The following SZRD1 variants were observed in gnomAD, a reference collection of about 807,000 sequenced individuals.
The protein encoded by SZRD1 is SUZ RNA-binding domain-containing.
In SZRD1, 7 loss-of-function variants were observed where a neutral mutation model predicts 17.6. That is an observed-to-expected ratio of 0.40 (90% CI 0.23 to 0.75). The LOEUF (loss-of-function observed/expected upper bound fraction) is 0.75, where lower values mean the gene tolerates loss of function less well. SZRD1 is among the 30% of genes least tolerant of loss of function. SZRD1 has a pLI of 0.38. For synonymous variants in SZRD1, 77 were observed against 77.9 expected (o/e 0.99, Z 0.06); for missense variants, 178 against 201.8 (o/e 0.88, Z 0.71).
chr1:16,382,185 G>C (rs184654748), intron 1 of SZRD1, among the ~76,000 whole-genome samples: 24 of 151,110 alleles, frequency 1.6e-4, no homozygotes, highest in African/African-American at 5.1e-4. Context: ...GCTAGCATGG[G>C]TGGGTTTTTT....
At chr1:16,384,819 G>T (rs2083161895) in intron 1 of SZRD1, among the ~76,000 whole-genome samples, 1 of 152,282 alleles carries the variant, frequency 6.6e-6, no homozygotes, top group East Asian at 1.9e-4. Context: ...GGAGAAATCT[G>T]TTGTGCTCTC....
At chr1:16,386,605 C>T (rs191195047) in intron 1 of SZRD1, among the ~76,000 whole-genome samples, 8 of 152,136 alleles carry the variant, frequency 5.3e-5, no homozygotes, top group African/African-American at 1.7e-4. Context: ...GAGGGAGATG[C>T]GATGCCCTCT....
chr1:16,388,591 A>G (rs2085166193), intron 1 of SZRD1, among the ~76,000 whole-genome samples: 1 of 152,096 alleles, frequency 6.6e-6, no homozygotes, highest in African/African-American at 2.4e-5. Context: ...AAAGCTGGCC[A>G]ACTTTATTAA....
rs910276294 is a variant in SZRD1, at chr1:16,397,408, A to G, written c.*2268A>G. The G allele has an allele frequency of 6.6e-6, 1 of 152,160 alleles. No homozygotes were observed. Among genetic ancestry groups the G allele is most frequent in the African/African-American group, 2.4e-5 (1 of 41,418 alleles). 9.4% of individuals were successfully genotyped at this position (152,160 alleles called of 1,614,324 possible). On this transcript the variant is annotated 3_prime_UTR_variant, in exon 4 of 4. Coordinates refer to ENST00000401088, the MANE Select transcript of SZRD1 (RefSeq NM_001114600.3). This position sits in a 1 kb window ranked among gnomAD's most constrained non-coding sequence, Gnocchi z 5.4. ...GGAGGGAGATGAGGAAACGGTTTGG[A>G]TTTTGTGTGTGGGAGGGTATTTTTT... is the stretch of plus-strand genomic sequence containing the variant.
At chr1:16,379,549 G>GT (rs1351037113) in intron 1 of SZRD1, among the ~76,000 whole-genome samples, 2 of 152,154 alleles carry the variant, frequency 1.3e-5, no homozygotes, top group African/African-American at 4.8e-5. Context: ...CGTAATACCT[G>GT]TTTTTTGCCA....
intron 2 of SZRD1, among the ~76,000 whole-genome samples, chr1:16,392,957 A>T (rs936102510): frequency 1.6e-4 from 25 of 152,224 alleles, no homozygotes; most frequent in African/African-American, 5.8e-4. Flanking sequence ...TGGGGATAGA[A>T]GTGCCAGAAT....
intron 1 of SZRD1, among the ~76,000 whole-genome samples, chr1:16,372,918 T>C (rs112498610): frequency 0.012 from 1,808 of 152,270 alleles, 29 homozygotes; most frequent in African/African-American, 0.042. Context: ...CATGGCTGGA[T>C]CAGAGAAAGT....
At chr1:16,379,844 T>C (rs1412796544) in intron 1 of SZRD1, among the ~76,000 whole-genome samples, 1 of 147,764 alleles carries the variant, frequency 6.8e-6, no homozygotes, top group Non-Finnish European at 1.5e-5. Flanking sequence ...CACTGCAACC[T>C]TTGCCTCTCG....
Position 16,383,236 on chromosome 1 carries a change from C to T in SZRD1, c.52-8139C>T, listed in dbSNP as rs1373094672. ...CTTTCCTTTTTTTTTTCTTTTCTTT[C>T]GAGGTGGGGCCCCACTCTGTCATGC... On this transcript the variant is annotated intron_variant, in intron 1 of 3. Transcript: ENST00000401088. Among the ~76,000 whole-genome samples the T allele has an allele frequency of 9.0e-5, 13 of 144,572 alleles. No individual in the cohort carries two copies. The Admixed American group carries it at 9.2e-4, about 10-fold the overall frequency. The allele number at this position is 144,572 out of a possible 152,430, so 94.8% of individuals were successfully genotyped here. A position where few individuals can be genotyped will look rare whatever the true frequency, so the allele number is the denominator to read the frequency against.
intron 1 of SZRD1, among the ~76,000 whole-genome samples, chr1:16,384,309 TG>T (rs2083152908): frequency 7.0e-6 from 1 of 143,584 alleles, no homozygotes. Flanking sequence ...GAGAGTGAGG[TG>T]GGAGGATCAC....
At chr1:16,376,723 T>C (rs2083008923) in intron 1 of SZRD1, among the ~76,000 whole-genome samples, 1 of 150,034 alleles carries the variant, frequency 6.7e-6, no homozygotes, top group Non-Finnish European at 1.5e-5. Context: ...GGAGAATCGC[T>C]TGAACTTGGG....
intron 1 of SZRD1, chr1:16,387,795 G>A: frequency 2.3e-6 from 1 of 431,984 alleles, no homozygotes; most frequent in Non-Finnish European, 4.6e-6. Context: ...CCCTTAAAAG[G>A]TAATAGGCAA....
At chr1:16,376,794 A>T in intron 1 of SZRD1, among the ~76,000 whole-genome samples, 1 of 141,372 alleles carries the variant, frequency 7.1e-6, no homozygotes, top group African/African-American at 2.6e-5. Context: ...CGACACAGCG[A>T]GACTCTGTCT....
chr1:16,380,701 C>G (rs1000298752), intron 1 of SZRD1, among the ~76,000 whole-genome samples: 1 of 152,198 alleles, frequency 6.6e-6, no homozygotes, highest in Non-Finnish European at 1.5e-5. Flanking sequence ...CTCCTGACCT[C>G]AGGTGATCTG....
chr1:16,376,856 GT>G (rs2083012872), intron 1 of SZRD1, among the ~76,000 whole-genome samples: 1 of 151,250 alleles, frequency 6.6e-6, no homozygotes. Context: ...GGAGGGGGCG[GT>G]GGTCTTGCCT....
chr1:16,368,718 A>T (rs1557619449), intron 1 of SZRD1, among the ~76,000 whole-genome samples: 1 of 152,166 alleles, frequency 6.6e-6, no homozygotes, highest in East Asian at 1.9e-4. Flanking sequence ...GTGCCAGAAA[A>T]TGCAACATTT....
At chr1:16,371,957 T>C (rs974951612) in intron 1 of SZRD1, among the ~76,000 whole-genome samples, 2 of 152,150 alleles carry the variant, frequency 1.3e-5, no homozygotes, top group Non-Finnish European at 2.9e-5. Context: ...AGAATTTTTG[T>C]GTGTGTGAGT....
chr1:16,381,099 A>AC (rs1325647163), intron 1 of SZRD1, among the ~76,000 whole-genome samples: 1 of 151,242 alleles, frequency 6.6e-6, no homozygotes, highest in Admixed American at 6.6e-5. Flanking sequence ...AAAAAAAAAA[A>AC]AAAAACTAGC....
intron 1 of SZRD1, chr1:16,369,590 C>T: frequency 6.3e-6 from 4 of 637,502 alleles, no homozygotes; most frequent in Non-Finnish European, 1.1e-5. Context: ...TAGTAATATC[C>T]TTTAAAAATG....
Sources: allele counts gnomAD v4.1 joint callset (sites outside exome capture counted in the v4.1 genomes callset), GRCh38; gene constraint gnomAD v4.1.1; non-coding constraint Gnocchi (gnomAD v3.1); transcripts MANE v1.5; gene names NCBI Gene and HGNC (gene_info 2026-07-23, HGNC 2026-07-21).